ATXN2: variants seen among roughly 807,000 people sequenced by gnomAD.
ATXN2 encodes ataxin 2.
A neutral mutation model predicts 138.6 loss-of-function variants in ATXN2; 37 were observed. That is an observed-to-expected ratio of 0.27 (90% CI 0.21 to 0.35). The LOEUF (loss-of-function observed/expected upper bound fraction) is 0.35, where lower values mean the gene tolerates loss of function less well. ATXN2 is among the 10% of genes least tolerant of loss of function. The pLI is 1.00. For missense variants in ATXN2, 1,216 were observed against 1,480.3 expected, an observed-to-expected ratio of 0.82 and a Z score of 2.93; for synonymous variants, 549 against 543.7, an observed-to-expected ratio of 1.01 and a Z score of -0.13.
At position 111,518,348 on chromosome 12, in the gene ATXN2, T is replaced by C; in HGVS notation, c.1066A>G (p.Met356Val). 6.2e-7 allele frequency: 1 copy of C among 1,613,688 alleles called. No individual in the cohort carries two copies. Among genetic ancestry groups the C allele is most frequent in the Non-Finnish European group, 8.5e-7 (1 of 1,179,664 alleles). Reference sequence around the variant, plus strand: ...ATGGAGCCCGATCCAGGCTGGCCCATACGCGGTGAATTCTGTCTCCCACTT... The same window carrying C: ...ATGGAGCCCGATCCAGGCTGGCCCACACGCGGTGAATTCTGTCTCCCACTT... ...WGSGRQNSPR[M>V]GQPGSGSMPS... The change falls in exon 9 of 25, where the codon ATG (methionine) becomes GTG (valine). Residue 356 changes from methionine (M) to valine (V), a missense_variant. Coordinates refer to ENST00000673436, the MANE Select transcript of ATXN2 (RefSeq NM_001372574.1).
At chr12:111,538,445 C>A (rs1416950393) in intron 5 of ATXN2, among the ~76,000 whole-genome samples, 1 of 151,970 alleles carries the variant, frequency 6.6e-6, no homozygotes, top group Admixed American at 6.5e-5. Context: ...AATCTCCCTG[C>A]GCTCAGATGA....
intron 1 of ATXN2, chr12:111,581,643 T>C (rs1320928310): frequency 1.3e-6 from 1 of 757,600 alleles, no homozygotes; most frequent in Non-Finnish European, 2.4e-6. Flanking sequence ...GACAAGAAGA[T>C]GGTTGGCGAC....
chr12:111,547,230 G>A (rs1010768536), intron 5 of ATXN2, among the ~76,000 whole-genome samples: 1 of 151,504 alleles, frequency 6.6e-6, no homozygotes, highest in Non-Finnish European at 1.5e-5. Context: ...AATTTGAGAA[G>A]AGCCTGGCCA....
At position 111,485,220 on chromosome 12, in the gene ATXN2, T is replaced by C. The variant is rs1241864555; in HGVS notation, c.2524+45A>G. On this transcript the variant is annotated intron_variant, in intron 18 of 24. Transcript: ENST00000673436. ...ATTATAAACTTAGTTACTCAATTCA[T>C]GCAGCATGCAAACTACAAGCAAACA... 5 of 1,539,220 alleles carry C rather than the reference T, an allele frequency of 3.2e-6. No homozygotes were observed. In the Admixed American group the frequency reaches 5.2e-5, roughly 16 times the overall value.
chr12:111,488,873 G>T, intron 14 of ATXN2, 93 bp from the exon 15 acceptor site: 1 of 1,065,312 alleles, frequency 9.4e-7, no homozygotes, highest in Non-Finnish European at 1.3e-6. Flanking sequence ...TTAACTATAC[G>T]CATGAAATGT....
chr12:111,467,488 A>G (rs111927194), intron 20 of ATXN2, among the ~76,000 whole-genome samples: 3 of 151,854 alleles, frequency 2.0e-5, no homozygotes, highest in African/African-American at 7.2e-5. Context: ...AAGCACCACA[A>G]AGGGAATCTT....
At position 111,466,438 on chromosome 12, in the gene ATXN2, G is replaced by A. The variant is rs551550670; in HGVS notation, c.2843-1723C>T. The stretch of plus-strand genomic sequence containing the variant: ...ATGGCGTGAACGCAGGAGGCGGAGC[G>A]TGCAGTGAGCTGAGATCACGCCACT... On this transcript the variant is annotated intron_variant, in intron 20 of 24. Transcript: ENST00000673436. Among the ~76,000 whole-genome samples the A allele has an allele frequency of 6.0e-5, 9 of 149,248 alleles. No homozygotes were observed. In the South Asian group the frequency reaches 6.4e-4, roughly 11 times the overall value.
At chr12:111,599,349 GA>G (rs1885146286), upstream of ATXN2, 23 of 1,073,120 alleles carry the variant, frequency 2.1e-5, no homozygotes, top group Non-Finnish European at 2.6e-5. Context: ...CCGGGCGGGG[GA>G]GGGGCGGCGG....
intron 14 of ATXN2, among the ~76,000 whole-genome samples, chr12:111,500,436 C>G (rs1270038167): frequency 6.6e-6 from 1 of 151,954 alleles, no homozygotes; most frequent in Non-Finnish European, 1.5e-5. Flanking sequence ...ATGGAGATAG[C>G]AGAATGGTTA....
At chr12:111,514,233 A>C (rs1879727369) in intron 10 of ATXN2, among the ~76,000 whole-genome samples, 1 of 152,230 alleles carries the variant, frequency 6.6e-6, no homozygotes, top group Admixed American at 6.5e-5. Flanking sequence ...TTAATAGATG[A>C]CCAAAATAAC....
chr12:111,453,760 G>A lies in ATXN2; in HGVS notation c.3356C>T (p.Pro1119Leu). The change falls in exon 24 of 25, where the codon CCC becomes CTC. Residue 1119 changes from proline (P) to leucine (L), a missense_variant. Physicochemically the swap from Pro to Leu is moderately conservative, Grantham distance 98 (BLOSUM62 -3). Transcript: ENST00000673436. The surrounding 1 kb of genome is among the most constrained non-coding windows in gnomAD (Gnocchi z 5.4). ...TGCACTTTGAGCGAGGGCGGCCTGG[G>A]GACCGCCGGGTGGCTGTGTCGTCAT... ...MLMTTQPPGG[P>L]QAALAQSALQ... The A allele has an allele frequency of 1.9e-6, 3 of 1,614,150 alleles. No individual in the cohort carries two copies. The highest frequency in any genetic ancestry group is 1.7e-6 in the Non-Finnish European group (2 of 1,180,006).
At position 111,518,280 on chromosome 12, in the gene ATXN2, A is replaced by T. The variant is rs556508828; in HGVS notation, c.1134T>A (p.Asn378Lys). ...STSHTSDFNPNSGSDQRVVNG... is the reference protein window; with the variant it reads ...STSHTSDFNPKSGSDQRVVNG... ...TAACTACTCTTTGGTCTGAACCAGAATTCGGGTTGAAATCTGAAGTGTGAG... is the reference window on the plus strand; with the variant it reads ...TAACTACTCTTTGGTCTGAACCAGATTTCGGGTTGAAATCTGAAGTGTGAG... The change falls in exon 9 of 25, where the codon AAT becomes AAA. Residue 378 changes from asparagine to lysine, a missense_variant. Coordinates refer to ENST00000673436, the MANE Select transcript of ATXN2 (RefSeq NM_001372574.1). The T allele has an allele frequency of 1.1e-5, 18 of 1,610,254 alleles. No individual in the cohort carries two copies. The highest frequency in any genetic ancestry group is 1.5e-5 in the Non-Finnish European group (18 of 1,177,246).
rs1882182394 is a variant in ATXN2, at chr12:111,552,636, TTTGTC to T, written c.421-211_421-207del. On this transcript the variant is annotated intron_variant, in intron 4 of 24. Coordinates refer to ENST00000673436, the MANE Select transcript of ATXN2 (RefSeq NM_001372574.1). This position sits in a 1 kb window ranked among gnomAD's most constrained non-coding sequence, Gnocchi z 4.1. ...ATCTAAATGTTTTTTGTTTCTATGG[TTTGTC>T]TTAAGTACATTAATAATAATTTTTA... is the stretch of plus-strand genomic sequence containing the variant. 5 of 628,216 alleles carry T rather than the reference TTTGTC, an allele frequency of 8.0e-6. No individual in the cohort carries two copies. Among genetic ancestry groups the T allele is most frequent in the South Asian group, 5.2e-5 (2 of 38,190 alleles). 38.9% of individuals were successfully genotyped at this position (628,216 alleles called of 1,614,324 possible). A position where few individuals can be genotyped will look rare whatever the true frequency, so the allele number is the denominator to read the frequency against.
intron 1 of ATXN2, among the ~76,000 whole-genome samples, chr12:111,558,674 G>A (rs1882512842): frequency 6.6e-6 from 1 of 152,170 alleles, no homozygotes. Context: ...GCACACGCCT[G>A]TGGTCCCCGC....
At chr12:111,583,199 C>A (rs535874550) in intron 1 of ATXN2, among the ~76,000 whole-genome samples, 3 of 135,518 alleles carry the variant, frequency 2.2e-5, no homozygotes, top group African/African-American at 8.3e-5. Flanking sequence ...CACAATGTTG[C>A]CCAGGTTGGT....
intron 5 of ATXN2, among the ~76,000 whole-genome samples, chr12:111,550,775 C>G (rs1882076756): frequency 1.3e-5 from 2 of 151,968 alleles, no homozygotes; most frequent in African/African-American, 4.8e-5. Flanking sequence ...TAAAGAATAC[C>G]CAGTACTGTT....
Position 111,486,612 on chromosome 12 carries a change from G to A in ATXN2, c.2304+149C>T, listed in dbSNP as rs1877659484. ...AAGACCTTTTTTTAATGTTTAAAAA[G>A]TATTCATTAATGGCCATGTAAAAAA... On this transcript the variant is annotated intron_variant, in intron 16 of 24. Transcript: ENST00000673436. 1.7e-5 allele frequency: 11 copies of A among 630,214 alleles called. No homozygotes were observed. In the South Asian group the frequency reaches 2.1e-4, roughly 12 times the overall value. The allele number at this position is 630,214 out of a possible 1,614,324, so 39.0% of individuals were successfully genotyped here. A position where few individuals can be genotyped will look rare whatever the true frequency, so the allele number is the denominator to read the frequency against.
intron 14 of ATXN2, among the ~76,000 whole-genome samples, chr12:111,493,869 C>T (rs934177776): frequency 3.3e-5 from 5 of 152,002 alleles, no homozygotes; most frequent in Non-Finnish European, 5.9e-5. Flanking sequence ...CCTTGTGATT[C>T]GCCCCACCTT....
At chr12:111,471,249 T>G (rs1343193612) in intron 18 of ATXN2, 1 of 159,910 alleles carries the variant, frequency 6.3e-6, no homozygotes, top group Non-Finnish European at 1.4e-5. Flanking sequence ...CAGCACCATG[T>G]AGCATATACC....
Sources: gnomAD v4.1 joint callset for allele counts (sites outside exome capture counted in the v4.1 genomes callset) on GRCh38, gnomAD v4.1.1 for gene constraint, Gnocchi (gnomAD v3.1) non-coding constraint, MANE v1.5 for transcripts, NCBI Gene and HGNC (gene_info 2026-07-23, HGNC 2026-07-21) for gene names.